RELN: variants seen among roughly 807,000 people sequenced by gnomAD.
RELN encodes the protein reelin.
In RELN, 108 loss-of-function variants were observed where a neutral mutation model predicts 427.6. The ratio of observed to expected loss-of-function variants is 0.25; its 90% confidence interval spans 0.22 to 0.30. The LOEUF is 0.30. Among genes scored for constraint, RELN ranks in the 10% least tolerant of loss-of-function variants. The probability of loss-of-function intolerance (pLI) is 1.00; values close to 1 mark genes in which losing one functional copy is unlikely to be tolerated. For synonymous variants in RELN, 1,524 were observed against 1,513.4 expected, an observed-to-expected ratio of 1.01 and a Z score of -0.16; for missense variants, 3,715 against 4,302.8, an observed-to-expected ratio of 0.86 and a Z score of 3.82.
chr7:103,783,165 T>TTTTC (rs1441599363), intron 3 of RELN, among the ~76,000 whole-genome samples: 3 of 9,294 alleles, frequency 3.2e-4, no homozygotes, highest in Admixed American at 2.4e-3. Context: ...TCTTTCTTTC[T>TTTTC]TTTTTTTTTT....
rs1020258345 is a variant in RELN, at chr7:103,562,006, G to C, written c.5211-53C>G. On this transcript the variant is annotated intron_variant, in intron 34 of 64. Transcript: ENST00000428762. Reference sequence around the variant, plus strand: ...CACCACTGGTTTGACAAGCAACCTTGAAAGCACAAGGACATTTATTTTAAT... The same window carrying C: ...CACCACTGGTTTGACAAGCAACCTTCAAAGCACAAGGACATTTATTTTAAT... The C allele has an allele frequency of 5.3e-5, 83 of 1,562,604 alleles. 1 individual carries two copies. The highest frequency in any genetic ancestry group is 7.1e-5 in the Non-Finnish European group (81 of 1,148,782).
chr7:103,826,992 T>C (rs1355376140), intron 3 of RELN, among the ~76,000 whole-genome samples: 3 of 148,932 alleles, frequency 2.0e-5, no homozygotes, highest in African/African-American at 7.5e-5. Flanking sequence ...GTTGTTTTGC[T>C]ATAGCTTTTT....
intron 2 of RELN, among the ~76,000 whole-genome samples, chr7:103,852,144 A>C (rs1793837970): frequency 6.6e-6 from 1 of 152,150 alleles, no homozygotes; most frequent in South Asian, 2.1e-4. Context: ...TACTTTACTA[A>C]ATTATAAGTT....
At chr7:103,728,339 T>C (rs1015616187) in intron 6 of RELN, 132 bp from the exon 7 acceptor site, 20 of 845,146 alleles carry the variant, frequency 2.4e-5, no homozygotes, top group Admixed American at 1.8e-4. Context: ...TAGGAGTATT[T>C]TGCATCATGA....
rs767403426 is a variant in RELN, at chr7:103,472,378, CAA to C, written c.*432_*433del. 2 of 219,454 alleles carry C rather than the reference CAA, an allele frequency of 9.1e-6. No individual in the cohort carries two copies. The highest frequency in any genetic ancestry group is 2.3e-5 in the African/African-American group (1 of 42,720). The allele number at this position is 219,454 out of a possible 1,614,324, so 13.6% of individuals were successfully genotyped here. A position where few individuals can be genotyped will look rare whatever the true frequency, so the allele number is the denominator to read the frequency against. On this transcript the variant is annotated 3_prime_UTR_variant, in exon 65 of 65. Transcript: ENST00000428762. ...TAGAAGAGAATACATAAAGGACAAA[CAA>C]TGATAATTTAATCATATAAAACATG...
rs148185656 is a variant in RELN at position 103,595,281 on chromosome 7, A to T, written c.3540-789T>A. Among the ~76,000 whole-genome samples, 757 of 152,316 alleles carry T rather than the reference A, an allele frequency of 5.0e-3. 5 individuals carry two copies. Among genetic ancestry groups the T allele is most frequent in the Admixed American group, 0.015 (222 of 15,294 alleles). On this transcript the variant is annotated intron_variant, in intron 25 of 64. Transcript: ENST00000428762. The stretch of plus-strand genomic sequence containing the variant: ...TTATTGTTTAAGCCAGTTTGGCACC[A>T]TTATCAATTCCCTCTCTACTATATT...
At chr7:103,798,623 T>G (rs1159637432) in intron 3 of RELN, among the ~76,000 whole-genome samples, 2 of 152,158 alleles carry the variant, frequency 1.3e-5, no homozygotes, top group Non-Finnish European at 2.9e-5. Flanking sequence ...CATGTTGTTC[T>G]CTATAAATCT....
intron 54 of RELN, 23 bp from the exon 55 acceptor site, chr7:103,497,949 C>T: frequency 6.2e-7 from 1 of 1,609,286 alleles, no homozygotes. Context: ...ACATTTTATC[C>T]ATCAGAATAA....
chr7:103,867,310 G>T (rs561225485), intron 2 of RELN, among the ~76,000 whole-genome samples: 50 of 151,540 alleles, frequency 3.3e-4, no homozygotes, highest in Non-Finnish European at 7.1e-4. Flanking sequence ...ATATTTCCCA[G>T]TTTGATAATA....
chr7:103,627,692 G>A (rs187042469), intron 20 of RELN, among the ~76,000 whole-genome samples: 1 of 152,254 alleles, frequency 6.6e-6, no homozygotes, highest in Admixed American at 6.5e-5. Context: ...GCTCACATGT[G>A]GTTGTTAATA....
At chr7:103,886,879 A>C (rs3914131) in intron 2 of RELN, among the ~76,000 whole-genome samples, 1 of 152,022 alleles carries the variant, frequency 6.6e-6, no homozygotes, top group Non-Finnish European at 1.5e-5. Flanking sequence ...GCAACCTAGT[A>C]AAGATAGAAA....
At chr7:103,624,200 T>A (rs995610356) in intron 20 of RELN, among the ~76,000 whole-genome samples, 1 of 152,148 alleles carries the variant, frequency 6.6e-6, no homozygotes, top group African/African-American at 2.4e-5. Context: ...AAATACCCCA[T>A]GAAATATGAA....
In RELN at chr7:103,498,192, C is replaced by G. The variant is rs1482050696; in HGVS notation, c.8728G>C (p.Glu2910Gln). ...CACTCAGTGCAAGTACTTCCACCTT[C>G]TAAGGACATCCATAAGTCAGGTTTG... The part of the protein sequence containing the change: ...EIKPDLWMSL[E>Q]GGSTCTECGI... Residue 2910 changes from glutamate (E) to glutamine (Q), a missense_variant, in exon 54 of 65, where the codon GAA becomes CAA. Around this residue, in one of 4 missense-constraint regions of RELN, gnomAD observed 1,310 missense variants for 1,643.0 expected, o/e 0.80. Transcript: ENST00000428762. 1.9e-6 allele frequency: 3 copies of G among 1,614,050 alleles called. No homozygotes were observed. Among genetic ancestry groups the G allele is most frequent in the Non-Finnish European group, 1.7e-6 (2 of 1,179,944 alleles).
intron 62 of RELN, among the ~76,000 whole-genome samples, chr7:103,483,223 G>A (rs1828303973): frequency 6.6e-6 from 1 of 152,090 alleles, no homozygotes; most frequent in African/African-American, 2.4e-5. Context: ...GAAGATATTT[G>A]GTCAAGCATG....
In RELN at chr7:103,496,710, G is replaced by C. The variant is rs750882329; in HGVS notation, c.9009C>G (p.His3003Gln). Residue 3003 changes from histidine to glutamine, a missense_variant, in exon 56 of 65, where the codon CAC becomes CAG. By Grantham distance (24) the His-to-Gln change is conservative (BLOSUM62 0). Transcript: ENST00000428762. ...MDYQKYISVRHDYILLPEDAL... is the reference protein window; with the variant it reads ...MDYQKYISVRQDYILLPEDAL... ...CATCTTCAGGAAGAAGTATGTAGTC[G>C]TGTCTAACAGAAATGTATTTCTGGT... 7 of 1,614,062 alleles carry C rather than the reference G, an allele frequency of 4.3e-6. No homozygotes were observed. Among genetic ancestry groups the C allele is most frequent in the Non-Finnish European group, 5.9e-6 (7 of 1,179,972 alleles).
chr7:103,501,006 CAA>C (rs1829008633), intron 52 of RELN, 84 bp from the exon 53 acceptor site: 1 of 1,258,854 alleles, frequency 7.9e-7, no homozygotes, highest in African/African-American at 1.5e-5. Flanking sequence ...ATTCAGTACT[CAA>C]GAGAAAAAAC....
At chr7:103,719,606 G>A (rs201135005) in intron 8 of RELN, among the ~76,000 whole-genome samples, 1 of 75,846 alleles carries the variant, frequency 1.3e-5, no homozygotes, top group Admixed American at 1.2e-4. Flanking sequence ...TGTTAAGACT[G>A]TGTGGTAGAC....
intron 1 of RELN, among the ~76,000 whole-genome samples, chr7:103,958,151 G>C (rs1796473781): frequency 6.6e-6 from 1 of 152,190 alleles, no homozygotes; most frequent in Non-Finnish European, 1.5e-5. Context: ...GTACCCAGAA[G>C]TGCCTACATG....
rs115667204 is a variant in RELN, at chr7:103,630,617, T to C, written c.2466-441A>G. 1.6e-3 allele frequency among the ~76,000 whole-genome samples: 239 copies of C among 152,204 alleles called. 1 individual carries two copies. The highest frequency in any genetic ancestry group is 5.6e-3 in the African/African-American group (232 of 41,522). On this transcript the variant is annotated intron_variant, in intron 19 of 64. Coordinates refer to ENST00000428762, the MANE Select transcript of RELN (RefSeq NM_005045.4). ...ATGGGGAAGAAAATTAAGAATAATA[T>C]CTAATTTCCAGGAGCGATTATTGTA...
Sources: gnomAD v4.1 joint callset for allele counts (sites outside exome capture counted in the v4.1 genomes callset) on GRCh38, gnomAD v4.1.1 for gene constraint, gnomAD v4.1.1 regional missense constraint, MANE v1.5 for transcripts, NCBI Gene and HGNC (gene_info 2026-07-23, HGNC 2026-07-21) for gene names.